Variants in ANKRD31 observed in about 807,000 individuals in gnomAD.
ANKRD31 encodes ankyrin repeat domain-containing protein 31.
ANKRD31 carries 147 observed loss-of-function variants against 186.0 expected under a neutral mutation model. The observed-to-expected ratio is 0.79, with a 90% CI of 0.69 to 0.91. The LOEUF (loss-of-function observed/expected upper bound fraction) is 0.91, where lower values mean the gene tolerates loss of function less well. ANKRD31 is among the 40% of genes least tolerant of loss of function. The pLI, the probability that ANKRD31 is intolerant of heterozygous loss-of-function variation, is 0.00. For missense variants in ANKRD31, 1,986 were observed against 2,148.8 expected (o/e 0.92, Z 1.50); for synonymous variants, 673 against 736.4 (o/e 0.91, Z 1.39).
intron 15 of ANKRD31, among the ~76,000 whole-genome samples, chr5:75,143,001 A>C (rs2150138358): frequency 6.6e-6 from 1 of 152,282 alleles, no homozygotes; most frequent in South Asian, 2.1e-4. Flanking sequence ...TAGTTTGGAA[A>C]CCAGAAATCA....
chr5:75,223,214 A>G (rs930247389), intron 2 of ANKRD31, among the ~76,000 whole-genome samples: 1 of 152,120 alleles, frequency 6.6e-6, no homozygotes, highest in African/African-American at 2.4e-5. Context: ...GCTTTTTTTC[A>G]TATGTTTGTG....
chr5:75,123,053 T>C (rs1156740175), intron 17 of ANKRD31, among the ~76,000 whole-genome samples: 1 of 152,024 alleles, frequency 6.6e-6, no homozygotes, highest in Non-Finnish European at 1.5e-5. Context: ...TAAAGACTCC[T>C]CAAAAAATTC....
intron 3 of ANKRD31, among the ~76,000 whole-genome samples, chr5:75,221,427 G>A (rs1757294339): frequency 6.6e-6 from 1 of 152,070 alleles, no homozygotes; most frequent in South Asian, 2.1e-4. Context: ...CTTTTCAGTG[G>A]CCTATATCTC....
intron 17 of ANKRD31, 33 bp from the exon 18 acceptor site, chr5:75,118,330 G>A: frequency 7.4e-7 from 1 of 1,350,490 alleles, no homozygotes; most frequent in Non-Finnish European, 9.5e-7. Flanking sequence ...TATCTCTACA[G>A]ACACCAAAGA....
chr5:75,092,499 C>T lies in ANKRD31; in HGVS notation c.5332-1098G>A, dbSNP rs112108632. On this transcript the variant is annotated intron_variant, in intron 22 of 25. Coordinates refer to ENST00000506364, the MANE Select transcript of ANKRD31 (RefSeq NM_001372053.1). ...AAGAGCCATGGGTGGTCAGGGAGGT[C>T]AGGGAAAGAGGTGGCCAAGGCTTTA... Among the ~76,000 whole-genome samples the T allele has an allele frequency of 6.1e-3, 921 of 152,200 alleles. 4 individuals are homozygous for T. Among genetic ancestry groups the T allele is most frequent in the African/African-American group, 0.021 (854 of 41,520 alleles).
chr5:75,201,999 A>G (rs187182036), intron 5 of ANKRD31, among the ~76,000 whole-genome samples: 136 of 152,248 alleles, frequency 8.9e-4, no homozygotes, highest in African/African-American at 3.1e-3. Context: ...CCACCTATAA[A>G]CTGGAAGCCC....
intron 5 of ANKRD31, among the ~76,000 whole-genome samples, chr5:75,200,963 T>C (rs1755788810): frequency 6.6e-6 from 1 of 151,386 alleles, no homozygotes; most frequent in African/African-American, 2.4e-5. Context: ...CACACCTGAG[T>C]AGGAATTCAG....
Position 75,222,282 on chromosome 5 carries a change from C to T in ANKRD31, c.255G>A (p.Met85Ile), listed in dbSNP as rs772803945. 1.3e-6 allele frequency: 2 copies of T among 1,536,718 alleles called. No individual in the cohort carries two copies. Among genetic ancestry groups the T allele is most frequent in the South Asian group, 2.4e-5 (2 of 84,014 alleles). ...DLQEQMNKNK[M>I]MPVLSEDTIL... ...TTGTATCCTCGCTAAGAACAGGCAT[C>T]ATCTTATTTTTATTCATTTGCTCTT... Residue 85 changes from methionine to isoleucine, a missense_variant, in exon 3 of 26, where the codon ATG becomes ATA. Met to Ile is a conservative substitution (Grantham distance 10, BLOSUM62 1). Transcript: ENST00000506364.
intron 10 of ANKRD31, among the ~76,000 whole-genome samples, chr5:75,185,095 G>C (rs1195901679): frequency 3.9e-5 from 6 of 152,164 alleles, no homozygotes; most frequent in Non-Finnish European, 2.9e-5. Context: ...CATGTTAAGT[G>C]AAATAAGATA....
chr5:75,230,503 T>C, intron 2 of ANKRD31, 59 bp downstream of exon 2: 2 of 1,341,660 alleles, frequency 1.5e-6, no homozygotes, highest in East Asian at 2.6e-5. Flanking sequence ...ATCAATGACA[T>C]TAAATGGGGA....
intron 10 of ANKRD31, among the ~76,000 whole-genome samples, chr5:75,180,984 C>A (rs2150218455): frequency 1.3e-5 from 2 of 151,682 alleles, no homozygotes; most frequent in South Asian, 4.2e-4. Flanking sequence ...ACCTACTCAT[C>A]TGACAAAGGG....
At chr5:75,075,894 T>C (rs946468104) in intron 25 of ANKRD31, among the ~76,000 whole-genome samples, 1 of 152,174 alleles carries the variant, frequency 6.6e-6, no homozygotes. Context: ...TACTGTCCCA[T>C]GGAAAGATAT....
At chr5:75,223,150 A>G (rs949689521) in intron 2 of ANKRD31, among the ~76,000 whole-genome samples, 5 of 152,156 alleles carry the variant, frequency 3.3e-5, no homozygotes, top group Admixed American at 3.3e-4. Context: ...CAGGCATGAG[A>G]TGGTATCTCC....
intron 17 of ANKRD31, among the ~76,000 whole-genome samples, chr5:75,126,160 A>G (rs1749238539): frequency 6.6e-6 from 1 of 152,208 alleles, no homozygotes; most frequent in Non-Finnish European, 1.5e-5. Context: ...ATTGTTGTGT[A>G]TATCAACAGT....
At chr5:75,226,664 A>C (rs772477797) in intron 2 of ANKRD31, among the ~76,000 whole-genome samples, 1 of 152,220 alleles carries the variant, frequency 6.6e-6, no homozygotes, top group Non-Finnish European at 1.5e-5. Context: ...ATATATGAAA[A>C]GGTACTCAAC....
chr5:75,113,786 C>T (rs774759776), intron 19 of ANKRD31, among the ~76,000 whole-genome samples: 98 of 151,964 alleles, frequency 6.4e-4, no homozygotes, highest in Non-Finnish European at 1.8e-4. Flanking sequence ...TTATAAAATA[C>T]AAATATAAAA....
intron 22 of ANKRD31, 45 bp from the exon 23 acceptor site, chr5:75,091,446 A>G: frequency 2.7e-6 from 4 of 1,508,794 alleles, no homozygotes; most frequent in Non-Finnish European, 3.5e-6. Context: ...AAATAGCTGA[A>G]ATATGTGAAT....
chr5:75,076,264 T>C (rs964794977), intron 25 of ANKRD31, among the ~76,000 whole-genome samples: 2 of 152,172 alleles, frequency 1.3e-5, no homozygotes, highest in African/African-American at 4.8e-5. Flanking sequence ...AGACACCAGT[T>C]GCAGATATCA....
At chr5:75,162,440 C>T (rs1752632139) in intron 11 of ANKRD31, among the ~76,000 whole-genome samples, 2 of 152,170 alleles carry the variant, frequency 1.3e-5, no homozygotes, top group South Asian at 4.1e-4. Flanking sequence ...TACAAGGTAA[C>T]TAACTTGCTT....
Sources: gnomAD v4.1 joint callset for allele counts (sites outside exome capture counted in the v4.1 genomes callset) on GRCh38, gnomAD v4.1.1 for gene constraint, MANE v1.5 for transcripts, NCBI Gene and HGNC (gene_info 2026-07-23, HGNC 2026-07-21) for gene names.